GABARAP: variants seen among roughly 807,000 people sequenced by gnomAD.
GABARAP encodes gamma-aminobutyric acid receptor-associated protein.
Under a neutral mutation model 16.7 loss-of-function variants are expected in GABARAP, and 5 were observed. The observed-to-expected ratio is 0.30, with a 90% CI of 0.16 to 0.63. GABARAP has a LOEUF of 0.63. Among genes scored for constraint, GABARAP ranks in the 20% least tolerant of loss-of-function variants. GABARAP has a pLI of 0.82. For synonymous variants in GABARAP, 45 were observed against 52.7 expected, an observed-to-expected ratio of 0.85 and a Z score of 0.64; for missense variants, 84 against 146.6, an observed-to-expected ratio of 0.57 and a Z score of 2.21.
intron 1 of GABARAP, 45 bp downstream of exon 1, chr17:7,242,196 T>C (rs2071785045): frequency 7.2e-7 from 1 of 1,397,736 alleles, no homozygotes; most frequent in South Asian, 1.2e-5. Flanking sequence ...GGCTGTGGCG[T>C]CAGCGTAAGC....
chr17:7,242,059 A>C lies in GABARAP; in HGVS notation c.90+182T>G, dbSNP rs1597570566. 6.6e-6 allele frequency: 4 copies of C among 609,292 alleles called. No homozygotes were observed. In the East Asian group the frequency reaches 8.2e-5, roughly 13 times the overall value. 37.7% of individuals were successfully genotyped at this position (609,292 alleles called of 1,614,324 possible). Reference sequence around the variant, plus strand: ...TCTCTCTCCTGTCCACATCCCTCTCAACCCCACATCCACCACTACCCCACT... The same window carrying C: ...TCTCTCTCCTGTCCACATCCCTCTCCACCCCACATCCACCACTACCCCACT... On this transcript the variant is annotated intron_variant, in intron 1 of 3. Transcript: ENST00000302386.
Position 7,240,712 on chromosome 17 carries a change from G to A in GABARAP, c.*142C>T, listed in dbSNP as rs894438607. On this transcript the variant is annotated 3_prime_UTR_variant, in exon 4 of 4. Transcript: ENST00000302386. ...CCATTACCCCTCCTAAGAGAGGCTG[G>A]AGAGAAAGCCACAAACATTAAGAAG... 1 of 652,488 alleles carries A rather than the reference G, an allele frequency of 1.5e-6. No homozygotes were observed. Among genetic ancestry groups the A allele is most frequent in the Middle Eastern group, 2.8e-4 (1 of 3,520 alleles). The allele number at this position is 652,488 out of a possible 1,614,324, so 40.4% of individuals were successfully genotyped here.
Position 7,241,191 on chromosome 17 carries a change from G to A in GABARAP, c.288+151C>T, listed in dbSNP as rs977966508. On this transcript the variant is annotated intron_variant, in intron 3 of 3. Transcript: ENST00000302386. ...CTCTTTCCTTCTCTCTACTCCTACT[G>A]TTCTGTCCAAACCCCCAACCCACGG... 11 of 701,828 alleles carry A rather than the reference G, an allele frequency of 1.6e-5. No homozygotes were observed. The African/African-American group carries it at 1.9e-4, about 12-fold the overall frequency. 43.5% of individuals were successfully genotyped at this position (701,828 alleles called of 1,614,324 possible). A position where few individuals can be genotyped will look rare whatever the true frequency, so the allele number is the denominator to read the frequency against.
At chr17:7,241,493 G>A (rs2071778261) in intron 2 of GABARAP, 33 bp from the exon 3 acceptor site, 1 of 1,379,458 alleles carries the variant, frequency 7.2e-7, no homozygotes, top group African/African-American at 1.4e-5. Flanking sequence ...GAAAGTCACA[G>A]AGGTCAAAAA....
chr17:7,242,033 TTC>T (rs779345829), intron 1 of GABARAP: 19 of 600,218 alleles, frequency 3.2e-5, no homozygotes, highest in Non-Finnish European at 5.6e-5. Context: ...ATGCTAAGGT[TTC>T]TCTCTCCTGT....
intron 3 of GABARAP, 149 bp from the exon 4 acceptor site, chr17:7,241,068 G>C: frequency 1.4e-6 from 1 of 699,016 alleles, no homozygotes; most frequent in Non-Finnish European, 2.6e-6. Flanking sequence ...AATCTCTGCA[G>C]TCCTGGGCAA....
At chr17:7,242,122 T>C in intron 1 of GABARAP, 119 bp downstream of exon 1, 1 of 725,416 alleles carries the variant, frequency 1.4e-6, no homozygotes, top group South Asian at 1.7e-5. Context: ...AGTTTCAGGC[T>C]CGCTGCCAAC....
rs540379232 is a variant in GABARAP at position 7,240,214 on chromosome 17, T to A, written c.*640A>T. On this transcript the variant is annotated 3_prime_UTR_variant, in exon 4 of 4. Coordinates refer to ENST00000302386, the MANE Select transcript of GABARAP (RefSeq NM_007278.2). ...ATAAAACTAAAGTTTCAAGAAATAA[T>A]CCTCAGTATTCCATTCCATCACAAC... The A allele has an allele frequency of 2.0e-5, 3 of 152,318 alleles. No individual in the cohort carries two copies. Among genetic ancestry groups the A allele is most frequent in the Admixed American group, 2.0e-4 (3 of 15,296 alleles). The allele number at this position is 152,318 out of a possible 1,614,324, so 9.4% of individuals were successfully genotyped here.
In GABARAP at chr17:7,242,331, C is replaced by T. The variant is rs779845274; in HGVS notation, c.-1G>A. The stretch of plus-strand genomic sequence containing the variant: ...GCTCTTCTTTGTACACGAACTTCAT[C>T]CTCCCGGGAACCGGGCTGGACAGGG... On this transcript the variant is annotated 5_prime_UTR_variant, in exon 1 of 4. Transcript: ENST00000302386. 7.4e-6 allele frequency: 12 copies of T among 1,612,908 alleles called. No individual in the cohort carries two copies. The highest frequency in any genetic ancestry group is 3.3e-5 in the Admixed American group (2 of 60,018).
intron 1 of GABARAP, chr17:7,241,923 G>A (rs1044766872): frequency 5.0e-6 from 3 of 594,960 alleles, no homozygotes; most frequent in Admixed American, 3.0e-5. Flanking sequence ...TCAGACGGAG[G>A]TGACTTGTTT....
At position 7,242,430 on chromosome 17, in the gene GABARAP, G is replaced by C; in HGVS notation, c.-100C>G. ...GCGGCGACGCGCGGGCGGATTCAGC[G>C]GAGCGATCCACGAATTTGCGCCACT... On this transcript the variant is annotated 5_prime_UTR_variant, in exon 1 of 4. Coordinates refer to ENST00000302386, the MANE Select transcript of GABARAP (RefSeq NM_007278.2). 5 of 872,868 alleles carry C rather than the reference G, an allele frequency of 5.7e-6. No homozygotes were observed. Among genetic ancestry groups the C allele is most frequent in the Non-Finnish European group, 9.4e-6 (5 of 530,844 alleles). 54.1% of individuals were successfully genotyped at this position (872,868 alleles called of 1,614,324 possible).
intron 3 of GABARAP, 104 bp downstream of exon 3, chr17:7,241,234 GGCAA>G: frequency 1.3e-6 from 1 of 746,802 alleles, no homozygotes; most frequent in South Asian, 1.5e-5. Context: ...GAAACTTTAA[GGCAA>G]GCCAGGAAGC....
intron 3 of GABARAP, 36 bp from the exon 4 acceptor site, chr17:7,240,955 C>T (rs780228095): frequency 6.8e-7 from 1 of 1,463,616 alleles, no homozygotes; most frequent in Admixed American, 1.7e-5. Context: ...AGCAACTGGG[C>T]TCCAGTAACT....
intron 1 of GABARAP, 196 bp from the exon 2 acceptor site, chr17:7,241,875 A>AT: frequency 1.7e-6 from 1 of 603,876 alleles, no homozygotes; most frequent in Non-Finnish European, 2.9e-6. Context: ...TCCAGGATCC[A>AT]TCCCCCAATA....
At chr17:7,241,717 C>A (rs749807462) in intron 1 of GABARAP, 38 bp from the exon 2 acceptor site, 1 of 1,264,560 alleles carries the variant, frequency 7.9e-7, no homozygotes, top group South Asian at 1.2e-5. Flanking sequence ...AGAAGGAATG[C>A]AGCCCCGAAG....
At position 7,242,321 on chromosome 17, in the gene GABARAP, C is replaced by T; in HGVS notation, c.10G>A (p.Val4Met). MKF[V>M]YKEEHPFEKR... ...TCGAACGGATGCTCTTCTTTGTACACGAACTTCATCCTCCCGGGAACCGGG... is the reference window on the plus strand; with the variant it reads ...TCGAACGGATGCTCTTCTTTGTACATGAACTTCATCCTCCCGGGAACCGGG... Residue 4 changes from valine to methionine, a missense_variant, in exon 1 of 4, where the codon GTG becomes ATG. By Grantham distance (21) the Val-to-Met change is conservative. Transcript: ENST00000302386. 6 of 1,613,404 alleles carry T rather than the reference C, an allele frequency of 3.7e-6. No homozygotes were observed. The highest frequency in any genetic ancestry group is 5.1e-6 in the Non-Finnish European group (6 of 1,179,510).
intron 1 of GABARAP, chr17:7,241,886 G>A (rs1567585224): frequency 1.7e-6 from 1 of 598,172 alleles, no homozygotes; most frequent in East Asian, 2.8e-5. Flanking sequence ...TCCCCCAATA[G>A]GGCGTCACCA....
chr17:7,242,242 G>A lies in GABARAP; in HGVS notation c.89C>T (p.Pro30Leu). 1 of 1,610,508 alleles carries A rather than the reference G, an allele frequency of 6.2e-7. No individual in the cohort carries two copies. The highest frequency in any genetic ancestry group is 8.5e-7 in the Non-Finnish European group (1 of 1,176,982). The change falls in exon 1 of 4, where the codon CCG becomes CTG. Residue 30 changes from proline (P) to leucine (L), a missense_variant and splice_region_variant. Pro to Leu is a moderately conservative substitution (Grantham distance 98). Coordinates refer to ENST00000302386, the MANE Select transcript of GABARAP (RefSeq NM_007278.2). ...KIRKKYPDRV[P>L]VIVEKAPKAR... Reference sequence around the variant, plus strand: ...CTCGGCCCTGGCTACTGTCCTCACCGGCACCCGGTCCGGGTATTTCTTTCG... The same window carrying A: ...CTCGGCCCTGGCTACTGTCCTCACCAGCACCCGGTCCGGGTATTTCTTTCG...
chr17:7,240,938 AC>A lies in GABARAP; in HGVS notation c.289-20del. ...GGTGTTCCTGGGATGAAAGCAGAAAACTGTTCAGCAACTGGGCTCCAGTAAC... is the reference window on the plus strand; with the variant it reads ...GGTGTTCCTGGGATGAAAGCAGAAAATGTTCAGCAACTGGGCTCCAGTAAC... On this transcript the variant is annotated intron_variant, in intron 3 of 3. Transcript: ENST00000302386. 1 of 1,587,108 alleles carries A rather than the reference AC, an allele frequency of 6.3e-7. No homozygotes were observed. The highest frequency in any genetic ancestry group is 1.1e-5 in the South Asian group (1 of 90,494).
Sources: allele counts gnomAD v4.1 joint callset, GRCh38; gene constraint gnomAD v4.1.1; transcripts MANE v1.5; gene names NCBI Gene and HGNC (gene_info 2026-07-23, HGNC 2026-07-21).